Variants in SGCD observed in about 807,000 individuals in gnomAD.
SGCD encodes delta-sarcoglycan.
A neutral mutation model predicts 36.6 loss-of-function variants in SGCD; 18 were observed. The observed-to-expected ratio is 0.49, with a 90% CI of 0.34 to 0.73. The LOEUF (loss-of-function observed/expected upper bound fraction) is 0.73. Ranked by LOEUF, SGCD falls within the 30% of genes least tolerant of loss-of-function variation. The pLI is 0.01. For missense variants in SGCD, 387 were observed against 346.7 expected, an observed-to-expected ratio of 1.12 and a Z score of -0.92; for synonymous variants, 133 against 130.6, an observed-to-expected ratio of 1.02 and a Z score of -0.12.
In SGCD at chr5:156,143,872, G is replaced by T. The variant is rs192014257; in HGVS notation, c.-44+19853G>T. 6.8e-5 allele frequency among the ~76,000 whole-genome samples: 10 copies of T among 147,926 alleles called. No individual in the cohort carries two copies. The South Asian group carries it at 2.3e-3, about 33-fold the overall frequency. On this transcript the variant is annotated intron_variant, in intron 3 of 9. Coordinates refer to the SGCD transcript ENST00000517913. ...ATTTAGCATTAGGTATATCTCCTAA[G>T]GCTATCCCTCCCCCCTCCCCCCACC...
chr5:156,189,682 T>A (rs1256235837), intron 3 of SGCD, among the ~76,000 whole-genome samples: 1 of 151,660 alleles, frequency 6.6e-6, no homozygotes, highest in Non-Finnish European at 1.5e-5. Flanking sequence ...ATCCGGAAAA[T>A]AAATGAGGCC....
At chr5:156,679,240 T>C (rs1386507051) in intron 7 of SGCD, among the ~76,000 whole-genome samples, 2 of 152,210 alleles carry the variant, frequency 1.3e-5, no homozygotes, top group Non-Finnish European at 2.9e-5. Flanking sequence ...GACTTTGAAC[T>C]CCTGTTCTGT....
At chr5:156,603,495 A>G (rs758166824) in intron 6 of SGCD, among the ~76,000 whole-genome samples, 19 of 151,916 alleles carry the variant, frequency 1.3e-4, no homozygotes, top group Non-Finnish European at 2.5e-4. Context: ...AGTTCCTTGA[A>G]GTGTATCTTT....
At chr5:156,716,705 G>T (rs1305758517) in intron 7 of SGCD, among the ~76,000 whole-genome samples, 1 of 152,144 alleles carries the variant, frequency 6.6e-6, no homozygotes, top group Admixed American at 6.6e-5. Flanking sequence ...AGAATGCTTT[G>T]TTTCCTTAAA....
At chr5:156,294,021 G>C (rs960219002) in intron 3 of SGCD, among the ~76,000 whole-genome samples, 1 of 152,030 alleles carries the variant, frequency 6.6e-6, no homozygotes, top group Non-Finnish European at 1.5e-5. Flanking sequence ...GAATCGATTT[G>C]TAGTTTTCAT....
rs139521586 is a variant in SGCD at position 156,656,122 on chromosome 5, A to C, written c.575+8586A>C. 2.7e-4 allele frequency among the ~76,000 whole-genome samples: 41 copies of C among 152,296 alleles called. No homozygotes were observed. The East Asian group carries it at 7.9e-3, about 29-fold the overall frequency. On this transcript the variant is annotated intron_variant, in intron 7 of 8. Transcript: ENST00000337851. ...CCCAAAGCTTGGAGGGAACCATGAA[A>C]TATCAAGTCAAAATGTCTTTATAAA...
chr5:156,181,048 T>C (rs1056298160), intron 3 of SGCD, among the ~76,000 whole-genome samples: 5 of 152,170 alleles, frequency 3.3e-5, no homozygotes, highest in African/African-American at 7.2e-5. Flanking sequence ...ATAAAGAAAT[T>C]CCAGAGTTTC....
intron 3 of SGCD, among the ~76,000 whole-genome samples, chr5:156,362,625 A>G (rs935154163): frequency 3.3e-5 from 5 of 152,216 alleles, no homozygotes; most frequent in African/African-American, 1.2e-4. Context: ...CATCCTGGTG[A>G]CAGAGAGAGA....
intron 1 of SGCD, among the ~76,000 whole-genome samples, chr5:155,876,587 G>A (rs994618018): frequency 2.0e-5 from 3 of 151,974 alleles, no homozygotes; most frequent in African/African-American, 4.8e-5. Flanking sequence ...TACTGTATTT[G>A]TAAGGGTTAT....
intron 3 of SGCD, among the ~76,000 whole-genome samples, chr5:156,379,833 G>A (rs749518881): frequency 2.2e-4 from 33 of 152,220 alleles, no homozygotes; most frequent in Middle Eastern, 6.8e-3. Flanking sequence ...GAGAAATCCA[G>A]GATAACACCA....
At chr5:155,782,309 G>A in the SGCD span, among the ~76,000 whole-genome samples, 2 of 151,994 alleles carry the variant, frequency 1.3e-5, no homozygotes, top group South Asian at 4.1e-4. Context: ...ACAGGCATAA[G>A]CCACCACACC....
At chr5:156,379,311 A>G (rs1376303534) in intron 3 of SGCD, among the ~76,000 whole-genome samples, 1 of 152,210 alleles carries the variant, frequency 6.6e-6, no homozygotes, top group Non-Finnish European at 1.5e-5. Flanking sequence ...ATAGTCCAAG[A>G]AAAGCCTCAC....
chr5:156,206,437 C>G (rs532612671), intron 3 of SGCD, among the ~76,000 whole-genome samples: 2 of 152,012 alleles, frequency 1.3e-5, no homozygotes, highest in African/African-American at 4.8e-5. Context: ...AAAATTCTTC[C>G]TAGGGATTGA....
At chr5:156,491,922 A>C (rs1408817490) in intron 3 of SGCD, among the ~76,000 whole-genome samples, 14 of 152,114 alleles carry the variant, frequency 9.2e-5, no homozygotes, top group Admixed American at 4.6e-4. Flanking sequence ...GGGATCCTAA[A>C]AAATTTTTTA....
chr5:155,822,759 A>G, the SGCD span, among the ~76,000 whole-genome samples: 1 of 152,246 alleles, frequency 6.6e-6, no homozygotes, highest in East Asian at 1.9e-4. Flanking sequence ...AGGGATTCAC[A>G]TATAGCAAAT....
At chr5:156,074,738 A>G (rs1215373406) in intron 1 of SGCD, among the ~76,000 whole-genome samples, 1 of 152,232 alleles carries the variant, frequency 6.6e-6, no homozygotes, top group African/African-American at 2.4e-5. Flanking sequence ...GAGAAAAACA[A>G]AAACATGACA....
chr5:156,586,060 G>GTT (rs2113356342), intron 4 of SGCD, among the ~76,000 whole-genome samples: 1 of 133,006 alleles, frequency 7.5e-6, no homozygotes, highest in East Asian at 2.2e-4. Context: ...TGATTACTTT[G>GTT]GTGTTTTTTT....
chr5:155,800,420 A>T, the SGCD span, among the ~76,000 whole-genome samples: 1 of 151,928 alleles, frequency 6.6e-6, no homozygotes, highest in Non-Finnish European at 1.5e-5. Context: ...TTTCATCCTG[A>T]TTGGGGAATT....
At chr5:156,261,616 C>T (rs10041678) in intron 3 of SGCD, among the ~76,000 whole-genome samples, 265 of 152,204 alleles carry the variant, frequency 1.7e-3, no homozygotes, top group African/African-American at 6.0e-3. Flanking sequence ...AGAGTGTACT[C>T]TTTCTATTTA....
Sources: gnomAD v4.1 joint callset for allele counts (sites outside exome capture counted in the v4.1 genomes callset) on GRCh38, gnomAD v4.1.1 for gene constraint, MANE v1.5 for transcripts, NCBI Gene and HGNC (gene_info 2026-07-23, HGNC 2026-07-21) for gene names.